SEZ6L: variants seen among roughly 807,000 people sequenced by gnomAD.
SEZ6L encodes seizure 6-like protein.
Under a neutral mutation model 106.2 loss-of-function variants are expected in SEZ6L, and 37 were observed. That is an observed-to-expected ratio of 0.35 (90% confidence interval 0.27 to 0.46). SEZ6L has a LOEUF of 0.46. Among genes scored for constraint, SEZ6L ranks in the 20% least tolerant of loss-of-function variants. SEZ6L has a pLI of 1.00. For missense variants in SEZ6L, 1,172 were observed against 1,332.8 expected (o/e 0.88, Z 1.88); for synonymous variants, 541 against 570.4 (o/e 0.95, Z 0.73).
At chr22:26,372,121 A>G (rs1042670345) in intron 13 of SEZ6L, among the ~76,000 whole-genome samples, 3 of 152,160 alleles carry the variant, frequency 2.0e-5, no homozygotes, top group Non-Finnish European at 4.4e-5. Flanking sequence ...GGGGGAGTCC[A>G]GATCAGAGTT....
intron 11 of SEZ6L, among the ~76,000 whole-genome samples, chr22:26,350,758 G>A (rs1285394695): frequency 6.6e-6 from 1 of 150,392 alleles, no homozygotes; most frequent in African/African-American, 2.5e-5. Context: ...CCGGGTTCAC[G>A]CCATTCTCCT....
chr22:26,374,815 C>G (rs1021434841), intron 14 of SEZ6L, among the ~76,000 whole-genome samples: 1 of 152,190 alleles, frequency 6.6e-6, no homozygotes, highest in Non-Finnish European at 1.5e-5. Context: ...CTGCCCCAGG[C>G]GCCTGCAGCA....
At chr22:26,279,679 G>A (rs1479271526) in intron 1 of SEZ6L, among the ~76,000 whole-genome samples, 2 of 152,150 alleles carry the variant, frequency 1.3e-5, no homozygotes, top group African/African-American at 4.8e-5. Flanking sequence ...TCTACACCCC[G>A]CTTCCTGTCA....
At position 26,351,104 on chromosome 22, in the gene SEZ6L, G is replaced by A. The variant is rs2146022153; in HGVS notation, c.2460G>A (p.Ser820=). The A allele has an allele frequency of 1.9e-6, 3 of 1,614,128 alleles. No individual in the cohort carries two copies. Among genetic ancestry groups the A allele is most frequent in the Non-Finnish European group, 2.5e-6 (3 of 1,180,032 alleles). The change falls in exon 12 of 17, where the codon TCG becomes TCA. Residue 820 remains serine, a synonymous_variant. Coordinates refer to ENST00000248933, the MANE Select transcript of SEZ6L (RefSeq NM_021115.5). ...GEVDHSTRLI[S]DPVLLVGTTI... is the part of the protein sequence containing the mutation. ...TGGATCACTCGACCCGCTTAATTTCGGATCCTGTGCTGCTGGTGGGGACCA... is the reference window on the plus strand; with the variant it reads ...TGGATCACTCGACCCGCTTAATTTCAGATCCTGTGCTGCTGGTGGGGACCA...
intron 1 of SEZ6L, among the ~76,000 whole-genome samples, chr22:26,172,115 G>A (rs1174087442): frequency 2.0e-5 from 3 of 151,944 alleles, no homozygotes; most frequent in African/African-American, 2.4e-5. Context: ...ATGCACATGG[G>A]GAATAATTGT....
At chr22:26,328,817 A>T (rs533332815) in intron 9 of SEZ6L, among the ~76,000 whole-genome samples, 1 of 152,152 alleles carries the variant, frequency 6.6e-6, no homozygotes, top group South Asian at 2.1e-4. Context: ...AAGAAAGGCC[A>T]TGGAAACTGG....
At chr22:26,247,371 ACCT>A (rs1289455780) in intron 1 of SEZ6L, among the ~76,000 whole-genome samples, 3 of 152,110 alleles carry the variant, frequency 2.0e-5, no homozygotes, top group African/African-American at 7.2e-5. Context: ...TCAGGATGTA[ACCT>A]TATTTGGAAA....
rs1333536755 is a variant in SEZ6L, at chr22:26,223,382, T to C, written c.94+53619T>C. Among the ~76,000 whole-genome samples, 5 of 152,360 alleles carry C rather than the reference T, an allele frequency of 3.3e-5. No individual in the cohort carries two copies. In the East Asian group the frequency reaches 9.6e-4, roughly 29 times the overall value. On this transcript the variant is annotated intron_variant, in intron 1 of 16. Transcript: ENST00000248933. Reference sequence around the variant, plus strand: ...ATGAATCCTCCATATACTCCATATATTTTGCAACATAAGCCACTAAATTTC... The same window carrying C: ...ATGAATCCTCCATATACTCCATATACTTTGCAACATAAGCCACTAAATTTC...
chr22:26,337,217 T>G (rs1014221487), intron 9 of SEZ6L, among the ~76,000 whole-genome samples: 1 of 152,214 alleles, frequency 6.6e-6, no homozygotes, highest in Non-Finnish European at 1.5e-5. Flanking sequence ...CTTTCTGATT[T>G]CCAAGCCAGT....
chr22:26,364,209 G>C (rs1174210653), intron 12 of SEZ6L, among the ~76,000 whole-genome samples: 1 of 152,110 alleles, frequency 6.6e-6, no homozygotes, highest in Non-Finnish European at 1.5e-5. Flanking sequence ...AGGATTTGTA[G>C]TCCTGTGTGT....
chr22:26,337,619 T>A lies in SEZ6L; in HGVS notation c.2016-2817T>A, dbSNP rs141538178. 2.4e-3 allele frequency among the ~76,000 whole-genome samples: 361 copies of A among 152,260 alleles called. 2 individuals are homozygous for A. Among genetic ancestry groups the A allele is most frequent in the African/African-American group, 8.1e-3 (338 of 41,536 alleles). ...CATACCTTAGCATTTATTGAGCACCTACTGTGTGCAAGAACAAGTGGCAAC... is the reference window on the plus strand; with the variant it reads ...CATACCTTAGCATTTATTGAGCACCAACTGTGTGCAAGAACAAGTGGCAAC... On this transcript the variant is annotated intron_variant, in intron 9 of 16. Transcript: ENST00000248933.
At chr22:26,378,220 C>T (rs2084296227) in intron 16 of SEZ6L, among the ~76,000 whole-genome samples, 1 of 152,188 alleles carries the variant, frequency 6.6e-6, no homozygotes, top group South Asian at 2.1e-4. Flanking sequence ...ATTAATGAGC[C>T]TACCGTCTTG....
chr22:26,203,973 G>T (rs1032168706), intron 1 of SEZ6L, among the ~76,000 whole-genome samples: 1 of 152,152 alleles, frequency 6.6e-6, no homozygotes, highest in African/African-American at 2.4e-5. Context: ...TACTGCCATG[G>T]CTTTGAATGG....
chr22:26,363,628 C>T (rs1366591930), intron 12 of SEZ6L, among the ~76,000 whole-genome samples: 3 of 152,178 alleles, frequency 2.0e-5, no homozygotes, highest in Non-Finnish European at 4.4e-5. Context: ...TGAGATTCAT[C>T]GTGCAAAATG....
At chr22:26,179,485 C>T (rs1939244180) in intron 1 of SEZ6L, among the ~76,000 whole-genome samples, 1 of 152,184 alleles carries the variant, frequency 6.6e-6, no homozygotes, top group Non-Finnish European at 1.5e-5. Context: ...GAAACAGGCT[C>T]TCACCAGACC....
chr22:26,312,999 T>C (rs2081887435), intron 8 of SEZ6L, among the ~76,000 whole-genome samples: 2 of 152,342 alleles, frequency 1.3e-5, no homozygotes, highest in Admixed American at 6.5e-5. Flanking sequence ...ATCACAGCCT[T>C]GCCATGGTGA....
rs1271206686 is a variant in SEZ6L, at chr22:26,306,024, T to A, written c.1394T>A (p.Leu465His). 5 of 1,523,206 alleles carry A rather than the reference T, an allele frequency of 3.3e-6. No individual in the cohort carries two copies. The East Asian group carries it at 1.4e-4, about 43-fold the overall frequency. The allele number at this position is 1,523,206 out of a possible 1,614,324, so 94.4% of individuals were successfully genotyped here. A position where few individuals can be genotyped will look rare whatever the true frequency, so the allele number is the denominator to read the frequency against. ...AVHNATIGRVLSPSYPENTNG... is the reference protein window; with the variant it reads ...AVHNATIGRVHSPSYPENTNG... The stretch of plus-strand genomic sequence containing the variant: ...CACAATGCCACCATCGGCCGCGTCC[T>A]CTCCCCAAGTTACCCTGAAAACACA... Residue 465 changes from leucine to histidine, a missense_variant, in exon 6 of 17, where the codon CTC becomes CAC. Leu to His is a moderately conservative substitution (Grantham distance 99, BLOSUM62 -3). Coordinates refer to ENST00000248933, the MANE Select transcript of SEZ6L (RefSeq NM_021115.5).
intron 5 of SEZ6L, among the ~76,000 whole-genome samples, chr22:26,302,646 CT>C (rs1173797031): frequency 2.0e-5 from 3 of 152,024 alleles, no homozygotes; most frequent in African/African-American, 7.2e-5. Flanking sequence ...ATTTTTCTTT[CT>C]TTTTTTTAAA....
intron 9 of SEZ6L, among the ~76,000 whole-genome samples, chr22:26,315,900 A>G (rs1272791521): frequency 6.6e-6 from 1 of 151,866 alleles, no homozygotes; most frequent in Non-Finnish European, 1.5e-5. Flanking sequence ...TTTACAAACA[A>G]TTAAAAAAAC....
Sources: allele counts gnomAD v4.1 joint callset (sites outside exome capture counted in the v4.1 genomes callset), GRCh38; gene constraint gnomAD v4.1.1; transcripts MANE v1.5; gene names NCBI Gene and HGNC (gene_info 2026-07-23, HGNC 2026-07-21).